Variants in GLYR1 observed in about 807,000 individuals in gnomAD.
GLYR1 encodes cytokine-like nuclear factor N-PAC.
Under a neutral mutation model 72.7 loss-of-function variants are expected in GLYR1, and 21 were observed. That is an observed-to-expected ratio of 0.29 (90% CI 0.20 to 0.42). GLYR1 has a LOEUF of 0.42. Among genes scored for constraint, GLYR1 ranks in the 10% least tolerant of loss-of-function variants. The probability of loss-of-function intolerance (pLI) is 1.00; values close to 1 mark genes in which losing one functional copy is unlikely to be tolerated. For missense variants in GLYR1, 594 were observed against 712.1 expected (o/e 0.83, Z 1.89); for synonymous variants, 392 against 270.2 (o/e 1.45, Z -4.42).
chr16:4,831,506 C>T (rs1000366021), intron 5 of GLYR1, among the ~76,000 whole-genome samples: 1 of 152,194 alleles, frequency 6.6e-6, no homozygotes, highest in Admixed American at 6.5e-5. Flanking sequence ...GAGCCTCACA[C>T]GGGCTGTGCC....
At chr16:4,822,237 C>A (rs1022535499) in intron 7 of GLYR1, among the ~76,000 whole-genome samples, 1 of 152,204 alleles carries the variant, frequency 6.6e-6, no homozygotes, top group Non-Finnish European at 1.5e-5. Flanking sequence ...CAGGAATGCA[C>A]CACCATGCCC....
chr16:4,842,133 A>G (rs2085601996), intron 3 of GLYR1, among the ~76,000 whole-genome samples: 1 of 151,844 alleles, frequency 6.6e-6, no homozygotes, highest in African/African-American at 2.4e-5. Flanking sequence ...AGTCCCAGCT[A>G]CTCGGGAGGC....
intron 9 of GLYR1, chr16:4,818,003 T>C (rs576038314): frequency 0.019 from 1,086 of 56,172 alleles, 13 homozygotes; most frequent in African/African-American, 0.078. Flanking sequence ...CTTGCTGCCC[T>C]TTTTTTTTTT....
At chr16:4,821,216 T>C in intron 9 of GLYR1, 164 bp downstream of exon 9, 2 of 704,076 alleles carry the variant, frequency 2.8e-6, no homozygotes, top group South Asian at 3.6e-5. Flanking sequence ...TACACAGCTT[T>C]TGACTCCTGT....
At position 4,808,598 on chromosome 16, in the gene GLYR1, C is replaced by CTAAAATAAAATAAAA. The variant is rs370659586; in HGVS notation, c.1587+2557_1587+2571dup. Among the ~76,000 whole-genome samples, 900 of 151,502 alleles carry CTAAAATAAAATAAAA rather than the reference C, an allele frequency of 5.9e-3. 6 individuals are homozygous for CTAAAATAAAATAAAA. Among genetic ancestry groups the CTAAAATAAAATAAAA allele is most frequent in the African/African-American group, 0.021 (856 of 41,106 alleles). On this transcript the variant is annotated intron_variant, in intron 15 of 15. Coordinates refer to ENST00000321919, the MANE Select transcript of GLYR1 (RefSeq NM_032569.4). ...GGGCAACAAGGGTGAAACTCGGTCT[C>CTAAAATAAAATAAAA]TAAAATAAAATAAAATAAAATAAAA...
At chr16:4,810,807 G>GA (rs1411992601) in intron 15 of GLYR1, among the ~76,000 whole-genome samples, 1 of 143,480 alleles carries the variant, frequency 7.0e-6, no homozygotes, top group Non-Finnish European at 1.5e-5. Flanking sequence ...AAAAGAAAAA[G>GA]AAAAAGAAAC....
intron 12 of GLYR1, among the ~76,000 whole-genome samples, chr16:4,812,457 G>C (rs2083372626): frequency 6.6e-6 from 1 of 151,986 alleles, no homozygotes; most frequent in African/African-American, 2.4e-5. Context: ...GCAGTGATGA[G>C]ACGCTGGGGT....
chr16:4,828,307 G>C (rs1162581765), intron 5 of GLYR1, among the ~76,000 whole-genome samples: 1 of 151,934 alleles, frequency 6.6e-6, no homozygotes, highest in Non-Finnish European at 1.5e-5. Context: ...CTGACCTCAT[G>C]ATCCGCCCGC....
chr16:4,833,575 T>C (rs1280954437), intron 3 of GLYR1, among the ~76,000 whole-genome samples: 1 of 151,292 alleles, frequency 6.6e-6, no homozygotes, highest in African/African-American at 2.4e-5. Context: ...ACACATGGTT[T>C]GGAATAAGGG....
At chr16:4,812,365 G>T in intron 12 of GLYR1, 117 bp from the exon 13 acceptor site, 1 of 1,120,944 alleles carries the variant, frequency 8.9e-7, no homozygotes, top group Non-Finnish European at 1.2e-6. Flanking sequence ...AGCTGGAGGG[G>T]ACGGCCACCC....
At chr16:4,836,826 A>C (rs547748744) in intron 3 of GLYR1, among the ~76,000 whole-genome samples, 2,074 of 151,810 alleles carry the variant, frequency 0.014, 57 homozygotes, top group African/African-American at 0.047. Context: ...AAAAAAAAAA[A>C]AAACAAAACA....
intron 10 of GLYR1, among the ~76,000 whole-genome samples, chr16:4,814,954 G>A (rs1040192422): frequency 6.6e-6 from 1 of 152,182 alleles, no homozygotes; most frequent in Non-Finnish European, 1.5e-5. Flanking sequence ...CCGCTGTGCT[G>A]TCCTGGCTGT....
intron 5 of GLYR1, among the ~76,000 whole-genome samples, chr16:4,831,567 C>T (rs971624172): frequency 6.6e-6 from 1 of 152,248 alleles, no homozygotes; most frequent in Non-Finnish European, 1.5e-5. Context: ...CCTCCCAGGG[C>T]CAGCCCTTGT....
chr16:4,828,798 G>C (rs1267558798), intron 5 of GLYR1, among the ~76,000 whole-genome samples: 1 of 152,064 alleles, frequency 6.6e-6, no homozygotes, highest in Non-Finnish European at 1.5e-5. Flanking sequence ...TGGGGCAAAG[G>C]TGCTTTGCTA....
At chr16:4,834,441 G>A (rs986468408) in intron 3 of GLYR1, among the ~76,000 whole-genome samples, 1 of 151,840 alleles carries the variant, frequency 6.6e-6, no homozygotes, top group African/African-American at 2.4e-5. Flanking sequence ...TGGGATTACA[G>A]GCGTGAGCCA....
In GLYR1 at chr16:4,832,193, T is replaced by C. The variant is rs750417140; in HGVS notation, c.323A>G (p.Lys108Arg). 32 of 1,614,052 alleles carry C rather than the reference T, an allele frequency of 2.0e-5. No homozygotes were observed. The highest frequency in any genetic ancestry group is 6.8e-6 in the Non-Finnish European group (8 of 1,180,034). Reference protein sequence around the residue: ...QTSSHNSSDDKNRRNSSEERS... With the variant: ...QTSSHNSSDDRNRRNSSEERS... ...CTCCTCACTGGAATTACGTCGATTC[T>C]TGTCATCAGAAGAATTGTGGGATGA... The change falls in exon 5 of 16, where the codon AAG becomes AGG. Residue 108 changes from lysine (K) to arginine (R), a missense_variant. Lys to Arg is a conservative substitution (Grantham distance 26, BLOSUM62 2). Coordinates refer to ENST00000321919, the MANE Select transcript of GLYR1 (RefSeq NM_032569.4).
intron 11 of GLYR1, 193 bp from the exon 12 acceptor site, chr16:4,814,031 G>C (rs548828611): frequency 9.1e-6 from 4 of 438,404 alleles, no homozygotes; most frequent in Middle Eastern, 1.2e-3. Context: ...TCTTTAAAAA[G>C]AATCTATGTG....
intron 10 of GLYR1, among the ~76,000 whole-genome samples, chr16:4,814,851 G>A (rs2141964277): frequency 6.6e-6 from 1 of 152,304 alleles, no homozygotes; most frequent in South Asian, 2.1e-4. Context: ...TTTGCATGAC[G>A]AGTGCCTAGG....
intron 3 of GLYR1, among the ~76,000 whole-genome samples, chr16:4,838,991 A>G (rs1343192551): frequency 6.6e-6 from 1 of 152,126 alleles, no homozygotes; most frequent in Non-Finnish European, 1.5e-5. Flanking sequence ...GGCTCAAGCG[A>G]TCCTTCTGCT....
Sources: gnomAD v4.1 joint callset for allele counts (sites outside exome capture counted in the v4.1 genomes callset) on GRCh38, gnomAD v4.1.1 for gene constraint, MANE v1.5 for transcripts, NCBI Gene and HGNC (gene_info 2026-07-23, HGNC 2026-07-21) for gene names.